The following GPC5 variants were observed in gnomAD, a reference collection of about 807,000 sequenced individuals.
GPC5 encodes the protein glypican 5.
Under a neutral mutation model 53.9 loss-of-function variants are expected in GPC5, and 47 were observed. The ratio of observed to expected loss-of-function variants is 0.87; its 90% CI spans 0.69 to 1.11. The LOEUF is 1.11. GPC5 is among the 50% of genes most tolerant of loss of function. The pLI is 0.00. For missense variants in GPC5, 748 were observed against 713.1 expected (o/e 1.05, Z -0.56); for synonymous variants, 286 against 263.3 (o/e 1.09, Z -0.84).
At chr13:92,159,177 A>T (rs1348229865) in intron 7 of GPC5, among the ~76,000 whole-genome samples, 1 of 152,086 alleles carries the variant, frequency 6.6e-6, no homozygotes, top group African/African-American at 2.4e-5. Context: ...TATAAATTAC[A>T]TTTCCCTGAT....
chr13:92,096,685 C>T (rs7986588), intron 6 of GPC5, among the ~76,000 whole-genome samples: 71,274 of 151,964 alleles, frequency 0.47, 17,393 homozygotes, highest in East Asian at 0.79. Flanking sequence ...GGACAAAGCA[C>T]TCACTCTTCC....
Position 92,690,595 on chromosome 13 carries a change from T to C in GPC5, c.1562-175687T>C, listed in dbSNP as rs1379683766. 3.5e-5 allele frequency among the ~76,000 whole-genome samples: 5 copies of C among 144,892 alleles called. No individual in the cohort carries two copies. The South Asian group carries it at 9.4e-4, about 27-fold the overall frequency. On this transcript the variant is annotated intron_variant, in intron 7 of 7. Transcript: ENST00000377067. ...CAAAATAATTCTCCATCCAGCTTTG[T>C]TCTGTTGCTGGTGAGGAACTGCGTT...
chr13:92,648,165 C>T (rs1885837453), intron 7 of GPC5, among the ~76,000 whole-genome samples: 2 of 151,928 alleles, frequency 1.3e-5, no homozygotes, highest in African/African-American at 4.8e-5. Context: ...ACATAAAAAA[C>T]TGGCTTTGTT....
At chr13:92,569,413 T>C (rs1451529209) in intron 7 of GPC5, among the ~76,000 whole-genome samples, 7 of 152,064 alleles carry the variant, frequency 4.6e-5, no homozygotes, top group East Asian at 3.9e-4. Flanking sequence ...TTGTGTTGTA[T>C]GTTACATTAT....
At chr13:92,193,694 T>C (rs1047739145) in intron 7 of GPC5, among the ~76,000 whole-genome samples, 2 of 152,214 alleles carry the variant, frequency 1.3e-5, no homozygotes, top group African/African-American at 4.8e-5. Context: ...TTGACACTCT[T>C]TGGGCAGGAT....
intron 7 of GPC5, among the ~76,000 whole-genome samples, chr13:92,455,849 G>A (rs1004864038): frequency 2.0e-5 from 3 of 152,106 alleles, no homozygotes; most frequent in African/African-American, 4.8e-5. Flanking sequence ...CTATTTCAGC[G>A]AAATGTTCAA....
At chr13:92,383,379 G>A (rs2043766180) in intron 7 of GPC5, among the ~76,000 whole-genome samples, 2 of 152,150 alleles carry the variant, frequency 1.3e-5, no homozygotes, top group African/African-American at 4.8e-5. Flanking sequence ...TAACAGGAAA[G>A]AGGACCTCTA....
chr13:91,508,998 A>C (rs541818358), intron 2 of GPC5, among the ~76,000 whole-genome samples: 60 of 152,250 alleles, frequency 3.9e-4, no homozygotes, highest in African/African-American at 1.4e-3. Context: ...AAGATAATCA[A>C]ATCCAAATGT....
chr13:92,605,651 G>A (rs570498342), intron 7 of GPC5, among the ~76,000 whole-genome samples: 260 of 150,104 alleles, frequency 1.7e-3, no homozygotes, highest in Admixed American at 4.2e-3. Flanking sequence ...CTGCAGTGGC[G>A]CAATCTCGGC....
At position 91,988,961 on chromosome 13, in the gene GPC5, T is replaced by C. The variant is rs140318090; in HGVS notation, c.1401+80904T>C. ...AGGGCAAGTATTATTATTTTAATTG[T>C]ACATATAGAACACTACAAACCCAGA... On this transcript the variant is annotated intron_variant, in intron 6 of 7. Coordinates refer to ENST00000377067, the MANE Select transcript of GPC5 (RefSeq NM_004466.6). Among the ~76,000 whole-genome samples the C allele has an allele frequency of 8.1e-3, 1,231 of 152,070 alleles. 19 individuals are homozygous for C. Among genetic ancestry groups the C allele is most frequent in the African/African-American group, 0.027 (1,123 of 41,546 alleles).
intron 6 of GPC5, among the ~76,000 whole-genome samples, chr13:91,916,969 G>T (rs2039665775): frequency 4.6e-5 from 7 of 152,060 alleles, no homozygotes; most frequent in Admixed American, 4.6e-4. Context: ...TCTGCCCCTG[G>T]CTTCTTCCAA....
intron 7 of GPC5, among the ~76,000 whole-genome samples, chr13:92,454,044 G>T (rs1045320544): frequency 6.6e-6 from 1 of 152,134 alleles, no homozygotes; most frequent in Non-Finnish European, 1.5e-5. Flanking sequence ...TATATCCCAT[G>T]ATACAAAGCT....
intron 7 of GPC5, among the ~76,000 whole-genome samples, chr13:92,414,836 G>T (rs1876211986): frequency 6.6e-6 from 1 of 152,162 alleles, no homozygotes; most frequent in Admixed American, 6.5e-5. Flanking sequence ...GGTGGAATGG[G>T]TGTGGGACCT....
intron 7 of GPC5, among the ~76,000 whole-genome samples, chr13:92,752,490 G>GAT (rs1889437871): frequency 6.6e-6 from 1 of 152,196 alleles, no homozygotes. Context: ...GAGGAGCCAA[G>GAT]ATGGCCGAAT....
intron 5 of GPC5, among the ~76,000 whole-genome samples, chr13:91,833,552 C>T (rs182899526): frequency 4.2e-4 from 64 of 152,266 alleles, no homozygotes; most frequent in Admixed American, 3.7e-3. Context: ...TCATCCACCA[C>T]GATCAAGTCG....
chr13:92,498,405 T>C (rs1487171910), intron 7 of GPC5, among the ~76,000 whole-genome samples: 2 of 152,136 alleles, frequency 1.3e-5, no homozygotes, highest in Non-Finnish European at 2.9e-5. Flanking sequence ...AGAAAGATCA[T>C]ATACCAGTTA....
chr13:92,208,411 C>A (rs1021766049), intron 7 of GPC5, among the ~76,000 whole-genome samples: 1 of 152,192 alleles, frequency 6.6e-6, no homozygotes, highest in Non-Finnish European at 1.5e-5. Flanking sequence ...CAACCATATT[C>A]TATTAATCCC....
intron 7 of GPC5, among the ~76,000 whole-genome samples, chr13:92,493,667 A>G (rs1490362653): frequency 1.3e-5 from 2 of 152,214 alleles, no homozygotes; most frequent in Non-Finnish European, 2.9e-5. Flanking sequence ...TAATTTAACT[A>G]AATCTTTCTT....
chr13:92,322,751 T>G (rs2043224474), intron 7 of GPC5, among the ~76,000 whole-genome samples: 1 of 152,184 alleles, frequency 6.6e-6, no homozygotes, highest in African/African-American at 2.4e-5. Flanking sequence ...ATGCTCAATT[T>G]ATGTCATGAA....
Sources: allele counts gnomAD v4.1 joint callset (sites outside exome capture counted in the v4.1 genomes callset), GRCh38; gene constraint gnomAD v4.1.1; transcripts MANE v1.5; gene names NCBI Gene and HGNC (gene_info 2026-07-23, HGNC 2026-07-21).